Variants in SUGCT observed in about 807,000 individuals in gnomAD.
SUGCT encodes succinyl-CoA:glutarate CoA-transferase.
In SUGCT, 41 loss-of-function variants were observed where a neutral mutation model predicts 55.0. That is an observed-to-expected ratio of 0.74 (90% confidence interval 0.58 to 0.97). SUGCT has a LOEUF of 0.97. Among genes scored for constraint, SUGCT ranks in the 50% least tolerant of loss-of-function variants. SUGCT has a pLI of 0.00. For missense variants in SUGCT, 568 were observed against 547.8 expected (o/e 1.04, Z -0.37); for synonymous variants, 187 against 200.4 (o/e 0.93, Z 0.56).
intron 13 of SUGCT, among the ~76,000 whole-genome samples, chr7:40,834,323 A>G (rs1412057377): frequency 6.6e-6 from 1 of 152,268 alleles, no homozygotes; most frequent in East Asian, 1.9e-4. Context: ...AACACTTTTA[A>G]TAGTTACATG....
intron 12 of SUGCT, among the ~76,000 whole-genome samples, chr7:40,541,957 C>A (rs1583938156): frequency 1.3e-5 from 2 of 152,104 alleles, no homozygotes; most frequent in East Asian, 3.9e-4. Context: ...CTGGGGAGGA[C>A]AGGGAGCTGT....
chr7:40,175,090 C>T (rs542578600), intron 1 of SUGCT, among the ~76,000 whole-genome samples: 5 of 152,166 alleles, frequency 3.3e-5, no homozygotes, highest in Admixed American at 1.3e-4. Context: ...TTTTCCATTA[C>T]GCTGTGTTTC....
intron 13 of SUGCT, among the ~76,000 whole-genome samples, chr7:40,818,851 C>T (rs544802200): frequency 6.6e-6 from 1 of 151,382 alleles, no homozygotes; most frequent in Non-Finnish European, 1.5e-5. Context: ...GTTGGTGTGC[C>T]GCACCTATTA....
At chr7:40,686,399 A>G (rs1303323968) in intron 12 of SUGCT, among the ~76,000 whole-genome samples, 1 of 152,230 alleles carries the variant, frequency 6.6e-6, no homozygotes, top group Non-Finnish European at 1.5e-5. Context: ...ATGTGTATAT[A>G]TGAAAAACAT....
chr7:40,151,234 G>A (rs553712388), intron 1 of SUGCT, among the ~76,000 whole-genome samples: 28 of 152,246 alleles, frequency 1.8e-4, no homozygotes, highest in African/African-American at 5.5e-4. Flanking sequence ...GTGAGACTCC[G>A]TCTCTAAAAA....
chr7:40,139,179 TCCAGG>T (rs1787858878), intron 1 of SUGCT, among the ~76,000 whole-genome samples: 1 of 144,568 alleles, frequency 6.9e-6, no homozygotes, highest in South Asian at 2.3e-4. Context: ...AATAAATAAA[TCCAGG>T]ATTCATAATA....
intron 7 of SUGCT, among the ~76,000 whole-genome samples, chr7:40,264,226 A>C (rs1444099536): frequency 6.6e-6 from 1 of 152,092 alleles, no homozygotes; most frequent in Non-Finnish European, 1.5e-5. Flanking sequence ...CAAGTTCTAA[A>C]ATGGTGTGAT....
intron 12 of SUGCT, among the ~76,000 whole-genome samples, chr7:40,742,527 A>G (rs1326333933): frequency 1.3e-5 from 2 of 151,994 alleles, no homozygotes; most frequent in Non-Finnish European, 2.9e-5. Context: ...TCCTATGAGA[A>G]TCTAATGCTG....
At chr7:40,613,110 G>A (rs1798838245) in intron 12 of SUGCT, among the ~76,000 whole-genome samples, 1 of 151,924 alleles carries the variant, frequency 6.6e-6, no homozygotes. Flanking sequence ...TCCAGCCTGG[G>A]CAATGAAGCA....
the SUGCT span, among the ~76,000 whole-genome samples, chr7:40,936,654 C>CT: frequency 2.0e-5 from 3 of 151,264 alleles, no homozygotes; most frequent in East Asian, 3.9e-4. Flanking sequence ...GTTTAGTTAG[C>CT]TTTTTTTTCT....
intron 12 of SUGCT, among the ~76,000 whole-genome samples, chr7:40,547,856 T>G (rs1795077576): frequency 6.6e-6 from 1 of 152,188 alleles, no homozygotes; most frequent in Non-Finnish European, 1.5e-5. Context: ...GGATATTTTA[T>G]AATTTATTTA....
chr7:40,241,202 T>C (rs561404541), intron 7 of SUGCT, among the ~76,000 whole-genome samples: 1 of 152,202 alleles, frequency 6.6e-6, no homozygotes, highest in African/African-American at 2.4e-5. Flanking sequence ...ACTAGTGTTA[T>C]AATGAAAAAA....
the SUGCT span, among the ~76,000 whole-genome samples, chr7:40,875,714 C>A: frequency 6.6e-6 from 1 of 152,194 alleles, no homozygotes; most frequent in South Asian, 2.1e-4. Flanking sequence ...TTTACAGAAT[C>A]TATAAGTAAT....
chr7:40,216,350 A>C (rs541512909), intron 6 of SUGCT, among the ~76,000 whole-genome samples: 18 of 151,722 alleles, frequency 1.2e-4, no homozygotes, highest in Admixed American at 5.3e-4. Context: ...AAAATACAAA[A>C]ATTAGCTGGC....
At chr7:40,413,236 A>G (rs1209305854) in intron 9 of SUGCT, among the ~76,000 whole-genome samples, 3 of 151,922 alleles carry the variant, frequency 2.0e-5, no homozygotes, top group Admixed American at 2.0e-4. Context: ...TGGTTGGTTT[A>G]CTCTCTGTAC....
chr7:40,439,072 A>ATGTGTG (rs367604896), intron 9 of SUGCT, among the ~76,000 whole-genome samples: 23 of 51,396 alleles, frequency 4.5e-4, no homozygotes, highest in African/African-American at 1.1e-3. Flanking sequence ...GTGTATATAT[A>ATGTGTG]TATATATATA....
the SUGCT span, among the ~76,000 whole-genome samples, chr7:40,925,399 A>C: frequency 2.0e-5 from 3 of 152,210 alleles, no homozygotes; most frequent in African/African-American, 7.2e-5. Context: ...TGCCTAATAG[A>C]ATACAATCAC....
At chr7:40,915,077 A>C in the SUGCT span, among the ~76,000 whole-genome samples, 1 of 152,144 alleles carries the variant, frequency 6.6e-6, no homozygotes, top group Non-Finnish European at 1.5e-5. Flanking sequence ...TGTGGGGCTA[A>C]CTTCTTTTCC....
the SUGCT span, among the ~76,000 whole-genome samples, chr7:40,908,955 G>T: frequency 6.6e-6 from 1 of 151,820 alleles, no homozygotes; most frequent in Admixed American, 6.6e-5. Flanking sequence ...TTTTATTTTT[G>T]AAAAGTATAC....
Sources: gnomAD v4.1 joint callset for allele counts (sites outside exome capture counted in the v4.1 genomes callset) on GRCh38, gnomAD v4.1.1 for gene constraint, MANE v1.5 for transcripts, NCBI Gene and HGNC (gene_info 2026-07-23, HGNC 2026-07-21) for gene names.